Variants in AGBL1 observed in about 807,000 individuals in gnomAD.
AGBL1 encodes the protein cytosolic carboxypeptidase 4.
Under a neutral mutation model 118.9 loss-of-function variants are expected in AGBL1, and 130 were observed. That is an observed-to-expected ratio of 1.09 (90% CI 0.95 to 1.26). AGBL1 has a LOEUF of 1.26. Among genes scored for constraint, AGBL1 ranks in the 50% most tolerant of loss-of-function variants. The probability of loss-of-function intolerance (pLI) is 0.00; values close to 1 mark genes in which losing one functional copy is unlikely to be tolerated. For synonymous variants in AGBL1, 555 were observed against 478.9 expected, an observed-to-expected ratio of 1.16 and a Z score of -2.08; for missense variants, 1,584 against 1,298.1, an observed-to-expected ratio of 1.22 and a Z score of -3.38.
intron 16 of AGBL1, among the ~76,000 whole-genome samples, chr15:86,281,599 A>C (rs1054038464): frequency 2.6e-5 from 4 of 152,120 alleles, no homozygotes; most frequent in Non-Finnish European, 5.9e-5. Context: ...GGGTTGGGTG[A>C]AGTTGTCTAA....
Position 86,264,462 on chromosome 15 carries a change from A to C in AGBL1, c.1291A>C (p.Lys431Gln). The change falls in exon 11 of 23, where the codon AAA (lysine) becomes CAA (glutamine). Residue 431 changes from lysine to glutamine, a missense_variant. By Grantham distance (53) the Lys-to-Gln change is moderately conservative. Coordinates refer to ENST00000614907, the MANE Select transcript of AGBL1 (RefSeq NM_001386094.1). ...AAGGTCCACTGTGCATCTAGGCTCC[A>C]AAAAAAATCCTGGAGTGAACCTGTA... The part of the protein sequence containing the change: ...TGRSTVHLGS[K>Q]KNPGVNLYQN... 2 of 1,613,556 alleles carry C rather than the reference A, an allele frequency of 1.2e-6. No individual in the cohort carries two copies. Among genetic ancestry groups the C allele is most frequent in the Non-Finnish European group, 1.7e-6 (2 of 1,179,654 alleles).
At chr15:86,223,184 CAT>C in intron 5 of AGBL1, among the ~76,000 whole-genome samples, 1 of 152,240 alleles carries the variant, frequency 6.6e-6, no homozygotes, top group East Asian at 1.9e-4. Context: ...TAGTCTGTCT[CAT>C]AAAACCATTA....
At chr15:86,249,047 C>T (rs970944608) in intron 7 of AGBL1, among the ~76,000 whole-genome samples, 3 of 152,132 alleles carry the variant, frequency 2.0e-5, no homozygotes, top group African/African-American at 4.8e-5. Flanking sequence ...TCTAGGGATT[C>T]CTGGATTTCA....
In AGBL1 at chr15:86,257,012, C is replaced by A. The variant is rs779355087; in HGVS notation, c.895C>A (p.Pro299Thr). The A allele has an allele frequency of 1.2e-6, 2 of 1,612,982 alleles. No homozygotes were observed. Among genetic ancestry groups the A allele is most frequent in the African/African-American group, 2.7e-5 (2 of 74,980 alleles). Residue 299 changes from proline to threonine, a missense_variant, in exon 8 of 23, where the codon CCT (proline) becomes ACT (threonine). Physicochemically the swap from Pro to Thr is conservative, Grantham distance 38 (BLOSUM62 -1). Coordinates refer to ENST00000614907, the MANE Select transcript of AGBL1 (RefSeq NM_001386094.1). ...CACCACTGAACCTCCACATGATCTA[C>A]CTGAAGGTAAAATAAGTTGGTAACT... ...CITTEPPHDLPEEDFEDDGDD... is the reference protein window; with the variant it reads ...CITTEPPHDLTEEDFEDDGDD...
rs144818148 is a variant in AGBL1, at chr15:86,701,105, G to T, written c.3158+26669G>T. On this transcript the variant is annotated intron_variant, in intron 22 of 22. Coordinates refer to ENST00000614907, the MANE Select transcript of AGBL1 (RefSeq NM_001386094.1). ...AGAAGGTGTCAGCCTCGGATCATTT[G>T]CATTCCATTATCCACAGTGCTTTTT... is the stretch of plus-strand genomic sequence containing the variant. Among the ~76,000 whole-genome samples the T allele has an allele frequency of 3.9e-3, 591 of 152,298 alleles. 3 individuals carry two copies. The highest frequency in any genetic ancestry group is 0.014 in the African/African-American group (569 of 41,572).
chr15:86,081,009 G>C (rs567589866), intron 1 of AGBL1, among the ~76,000 whole-genome samples: 15 of 152,062 alleles, frequency 9.9e-5, no homozygotes, highest in African/African-American at 3.4e-4. Flanking sequence ...CTTTTTCCCT[G>C]TTGGGAAAAA....
chr15:86,507,041 G>C (rs952601336), intron 18 of AGBL1, among the ~76,000 whole-genome samples: 5 of 151,888 alleles, frequency 3.3e-5, no homozygotes, highest in Non-Finnish European at 7.4e-5. Flanking sequence ...TGATCCATGA[G>C]ACCTAACTAT....
At chr15:86,827,880 C>G (rs1317350282) in intron 22 of AGBL1, among the ~76,000 whole-genome samples, 10 of 137,010 alleles carry the variant, frequency 7.3e-5, no homozygotes, top group Non-Finnish European at 1.5e-4. Context: ...CTGTGCCTTC[C>G]TGCTGGGTGT....
intron 24 of AGBL1, among the ~76,000 whole-genome samples, chr15:87,027,615 A>G (rs1567294108): frequency 1.3e-5 from 2 of 152,070 alleles, no homozygotes; most frequent in African/African-American, 2.4e-5. Context: ...CACAATAGCG[A>G]AGACATGGAA....
intron 22 of AGBL1, among the ~76,000 whole-genome samples, chr15:86,887,467 A>G (rs2079987389): frequency 6.6e-6 from 1 of 152,180 alleles, no homozygotes; most frequent in Admixed American, 6.5e-5. Flanking sequence ...CACCTCTAGT[A>G]TTGTTTAAGC....
rs1235697627 is a variant in AGBL1 at position 86,264,779 on chromosome 15, G to C, written c.1608G>C (p.Trp536Cys). ...AGATGATGGCATTTCCTGATGTCTG[G>C]GGACACTGTCCCCCTCCCACCACCC... Reference protein sequence around the residue: ...DFKMMAFPDVWGHCPPPTTQP... With the variant: ...DFKMMAFPDVCGHCPPPTTQP... Residue 536 changes from tryptophan to cysteine, a missense_variant, in exon 11 of 23, where the codon TGG (tryptophan) becomes TGC (cysteine). Transcript: ENST00000614907. 6.2e-7 allele frequency: 1 copy of C among 1,613,934 alleles called. No individual in the cohort carries two copies. The highest frequency in any genetic ancestry group is 8.5e-7 in the Non-Finnish European group (1 of 1,179,886).
chr15:86,471,880 A>G (rs1236842756), intron 18 of AGBL1, among the ~76,000 whole-genome samples: 1 of 152,228 alleles, frequency 6.6e-6, no homozygotes, highest in African/African-American at 2.4e-5. Flanking sequence ...TTGAAAGACA[A>G]TGTTGGCAAA....
chr15:86,548,386 G>T (rs1384557898), intron 20 of AGBL1, among the ~76,000 whole-genome samples: 1 of 152,082 alleles, frequency 6.6e-6, no homozygotes, highest in Non-Finnish European at 1.5e-5. Flanking sequence ...ACTACTTCTA[G>T]TTATGTTGGT....
intron 22 of AGBL1, among the ~76,000 whole-genome samples, chr15:86,872,063 A>G (rs193201141): frequency 2.6e-5 from 4 of 152,298 alleles, no homozygotes; most frequent in Admixed American, 6.5e-5. Context: ...ACAAATTCCT[A>G]TCGATCAACA....
chr15:86,983,663 C>T lies in AGBL1; in HGVS notation c.3222-4324C>T, dbSNP rs1001648872. Among the ~76,000 whole-genome samples, 5 of 152,278 alleles carry T rather than the reference C, an allele frequency of 3.3e-5. No individual in the cohort carries two copies. The South Asian group carries it at 1.0e-3, about 32-fold the overall frequency. Reference sequence around the variant, plus strand: ...ATAGAGAACACAGACTTGTTACCTCCAAAAGGTTCCCATGCGTTCCTTTGC... The same window carrying T: ...ATAGAGAACACAGACTTGTTACCTCTAAAAGGTTCCCATGCGTTCCTTTGC... On this transcript the variant is annotated intron_variant, in intron 23 of 24. Transcript: ENST00000441037.
At chr15:86,423,736 C>A (rs1329414437) in intron 18 of AGBL1, among the ~76,000 whole-genome samples, 1 of 152,088 alleles carries the variant, frequency 6.6e-6, no homozygotes, top group Admixed American at 6.6e-5. Flanking sequence ...TTCCTATACA[C>A]CAATAACAGA....
chr15:86,967,163 T>A (rs2081063394), intron 23 of AGBL1, among the ~76,000 whole-genome samples: 1 of 152,168 alleles, frequency 6.6e-6, no homozygotes, highest in South Asian at 2.1e-4. Context: ...ACCCACTTGT[T>A]GATGGGGTTG....
At chr15:86,657,398 C>A (rs939235273) in intron 21 of AGBL1, among the ~76,000 whole-genome samples, 14 of 152,266 alleles carry the variant, frequency 9.2e-5, no homozygotes, top group African/African-American at 3.1e-4. Flanking sequence ...AGTGGGAAAT[C>A]AGACTGTCAA....
intron 1 of AGBL1, among the ~76,000 whole-genome samples, chr15:86,121,208 A>AT (rs1763446067): frequency 6.6e-6 from 1 of 152,104 alleles, no homozygotes; most frequent in Non-Finnish European, 1.5e-5. Context: ...CACTTTTATC[A>AT]TTTTTTATTA....
Sources: allele counts gnomAD v4.1 joint callset (sites outside exome capture counted in the v4.1 genomes callset), GRCh38; gene constraint gnomAD v4.1.1; transcripts MANE v1.5; gene names NCBI Gene and HGNC (gene_info 2026-07-23, HGNC 2026-07-21).